The following THSD4 variants were observed in gnomAD, a reference collection of about 807,000 sequenced individuals.
THSD4 encodes the protein thrombospondin type-1 domain-containing protein 4.
Under a neutral mutation model 119.0 loss-of-function variants are expected in THSD4, and 69 were observed. The observed-to-expected ratio is 0.58, with a 90% CI of 0.48 to 0.71. The LOEUF is 0.71. Ranked by LOEUF, THSD4 falls within the 30% of genes least tolerant of loss-of-function variation. The pLI is 0.00. For missense variants in THSD4, 1,393 were observed against 1,391.1 expected (o/e 1.00, Z -0.02); for synonymous variants, 524 against 540.4 (o/e 0.97, Z 0.42).
At position 71,404,136 on chromosome 15, in the gene THSD4, C is replaced by T. The variant is rs148842365; in HGVS notation, c.1016-7551C>T. 7.0e-4 allele frequency among the ~76,000 whole-genome samples: 107 copies of T among 152,234 alleles called. 2 individuals carry two copies. The East Asian group carries it at 0.019, about 27-fold the overall frequency. On this transcript the variant is annotated intron_variant, in intron 6 of 17. Coordinates refer to ENST00000261862, the MANE Select transcript of THSD4 (RefSeq NM_024817.3). ...ATTCATATATGATAAAAGTCACCAA[C>T]TTAGTTGTTTTAGTATATTCACAAT...
At chr15:71,452,004 C>A (rs2140584410) in intron 7 of THSD4, among the ~76,000 whole-genome samples, 1 of 152,278 alleles carries the variant, frequency 6.6e-6, no homozygotes, top group African/African-American at 2.4e-5. Flanking sequence ...TGGTGGACTC[C>A]AGCCTTCCCT....
chr15:71,575,711 T>A (rs562556567), intron 7 of THSD4, among the ~76,000 whole-genome samples: 1 of 152,204 alleles, frequency 6.6e-6, no homozygotes, highest in Non-Finnish European at 1.5e-5. Context: ...CTGCTAGTTA[T>A]ATGGACTTTC....
At chr15:71,317,568 G>A (rs2045206884) in intron 6 of THSD4, among the ~76,000 whole-genome samples, 1 of 152,114 alleles carries the variant, frequency 6.6e-6, no homozygotes, top group Admixed American at 6.6e-5. Flanking sequence ...CTTTCACTAG[G>A]TCCCTCCCAT....
At chr15:71,763,554 A>ATTTCTTT (rs553249062) in intron 15 of THSD4, among the ~76,000 whole-genome samples, 1 of 144,970 alleles carries the variant, frequency 6.9e-6, no homozygotes, top group African/African-American at 2.6e-5. Flanking sequence ...CTAAAAACAA[A>ATTTCTTT]TTTTTTTTTT....
In THSD4 at chr15:71,473,752, T is replaced by C. The variant is rs2047617349; in HGVS notation, c.1152+61929T>C. Among the ~76,000 whole-genome samples, 6 of 152,150 alleles carry C rather than the reference T, an allele frequency of 3.9e-5. No homozygotes were observed. In the South Asian group the frequency reaches 1.2e-3, roughly 32 times the overall value. On this transcript the variant is annotated intron_variant, in intron 7 of 17. Transcript: ENST00000261862. ...AGGGACATTGAAGCTTGGAGTAGTT[T>C]GAATGGAGCTAGCAAAGTCCCCATG...
intron 7 of THSD4, among the ~76,000 whole-genome samples, chr15:71,639,829 T>C (rs1296424850): frequency 9.2e-6 from 1 of 108,640 alleles, no homozygotes; most frequent in Non-Finnish European, 2.0e-5. Flanking sequence ...TAGATGTTTT[T>C]ATTTAGCAAA....
At chr15:71,670,502 A>G (rs1400131717) in intron 8 of THSD4, among the ~76,000 whole-genome samples, 2 of 148,368 alleles carry the variant, frequency 1.3e-5, no homozygotes, top group Admixed American at 1.4e-4. Context: ...AATTTTACAT[A>G]TATGTATATA....
intron 6 of THSD4, among the ~76,000 whole-genome samples, chr15:71,263,353 T>C (rs1452624423): frequency 1.5e-5 from 1 of 64,738 alleles, no homozygotes; most frequent in Non-Finnish European, 3.3e-5. Context: ...ATATACGACA[T>C]TTTCTTTATC....
At chr15:71,111,681 C>G, upstream of THSD4, 1 of 545,952 alleles carries the variant, frequency 1.8e-6, no homozygotes, top group Non-Finnish European at 3.2e-6. Context: ...CCTGGTACCT[C>G]CTTCAGAGCT....
intron 6 of THSD4, among the ~76,000 whole-genome samples, chr15:71,333,460 G>C (rs986237423): frequency 1.4e-4 from 21 of 152,068 alleles, no homozygotes; most frequent in Non-Finnish European, 2.1e-4. Flanking sequence ...TTAGACTTTA[G>C]CTTTCTCACC....
chr15:71,758,704 G>A (rs1595923766), intron 15 of THSD4, among the ~76,000 whole-genome samples: 1 of 152,338 alleles, frequency 6.6e-6, no homozygotes, highest in African/African-American at 2.4e-5. Flanking sequence ...GAGCCACTTA[G>A]CATTTGGCTC....
At chr15:71,473,392 T>G (rs1396646799) in intron 7 of THSD4, among the ~76,000 whole-genome samples, 1 of 152,128 alleles carries the variant, frequency 6.6e-6, no homozygotes, top group African/African-American at 2.4e-5. Flanking sequence ...TTTAGGTCAT[T>G]CAATATTATT....
intron 8 of THSD4, among the ~76,000 whole-genome samples, chr15:71,695,501 CATGT>C (rs1372496671): frequency 6.8e-4 from 78 of 115,394 alleles, no homozygotes; most frequent in African/African-American, 2.8e-3. Context: ...TGTGTGTGTG[CATGT>C]GTGTGTGTGT....
At chr15:71,723,030 G>A (rs576138917) in intron 8 of THSD4, among the ~76,000 whole-genome samples, 1 of 150,780 alleles carries the variant, frequency 6.6e-6, no homozygotes, top group South Asian at 2.1e-4. Flanking sequence ...GCCAGTGTTA[G>A]AACCATCTTA....
At chr15:71,167,450 A>T (rs556082322) in intron 3 of THSD4, among the ~76,000 whole-genome samples, 1 of 152,360 alleles carries the variant, frequency 6.6e-6, no homozygotes, top group East Asian at 1.9e-4. Context: ...CTTGCTCTAA[A>T]GTCAGGATAG....
intron 8 of THSD4, among the ~76,000 whole-genome samples, chr15:71,717,127 A>C (rs958028875): frequency 5.3e-5 from 8 of 152,194 alleles, no homozygotes; most frequent in Admixed American, 2.0e-4. Flanking sequence ...CTGTTTTTGA[A>C]AATGGGCCTT....
intron 6 of THSD4, among the ~76,000 whole-genome samples, chr15:71,263,681 G>T (rs1050637569): frequency 6.6e-6 from 1 of 152,154 alleles, no homozygotes; most frequent in African/African-American, 2.4e-5. Context: ...ATGATAGCCA[G>T]CCATACAGAC....
intron 6 of THSD4, among the ~76,000 whole-genome samples, chr15:71,378,053 A>G (rs1277184349): frequency 3.3e-5 from 5 of 152,204 alleles, no homozygotes; most frequent in Non-Finnish European, 5.9e-5. Context: ...TGCCTTGTAC[A>G]GTTGTTCAGG....
intron 6 of THSD4, among the ~76,000 whole-genome samples, chr15:71,319,905 G>C (rs535737583): frequency 4.5e-4 from 68 of 152,262 alleles, no homozygotes; most frequent in African/African-American, 1.6e-3. Flanking sequence ...CTTTATTACA[G>C]GAGTTCTCAG....
Sources: allele counts gnomAD v4.1 joint callset (sites outside exome capture counted in the v4.1 genomes callset), GRCh38; gene constraint gnomAD v4.1.1; transcripts MANE v1.5; gene names NCBI Gene and HGNC (gene_info 2026-07-23, HGNC 2026-07-21).